Variants in C4A observed in about 807,000 individuals in gnomAD.
C4A encodes complement C4A (Chido/Rodgers blood group).
In C4A, 12 loss-of-function variants were observed where a neutral mutation model predicts 45.7. The ratio of observed to expected loss-of-function variants is 0.26; its 90% CI spans 0.17 to 0.43. The LOEUF (loss-of-function observed/expected upper bound fraction) is 0.43, where lower values mean the gene tolerates loss of function less well. Among genes scored for constraint, C4A ranks in the 20% least tolerant of loss-of-function variants. The pLI is 1.00. For synonymous variants in C4A, 66 were observed against 230.7 expected, an observed-to-expected ratio of 0.29 and a Z score of 6.47; for missense variants, 127 against 534.4, an observed-to-expected ratio of 0.24 and a Z score of 7.52.
At chr6:31,996,738 C>T (rs1016397819) in intron 28 of C4A, 91 bp from the exon 29 acceptor site, 1 of 1,388,312 alleles carries the variant, frequency 7.2e-7, no homozygotes, top group African/African-American at 1.6e-5. Context: ...GGGGGAGACT[C>T]AGGAGAGCCC....
chr6:31,996,063 T>C lies in C4A; in HGVS notation c.3339T>C (p.Ala1113=), dbSNP rs1471080180. ...TSNWLLSQQQ[A]DGSFQDPCPV... is the part of the protein sequence containing the mutation. ...ACTGGCTTCTGTCCCAGCAGCAGGCTGACGGCTCGTTCCAGGACCCCTGTC... is the reference window on the plus strand; with the variant it reads ...ACTGGCTTCTGTCCCAGCAGCAGGCCGACGGCTCGTTCCAGGACCCCTGTC... The change falls in exon 26 of 41, where the codon GCT becomes GCC. Residue 1113 remains alanine (A), a synonymous_variant. Transcript: ENST00000428956. The C allele has an allele frequency of 1.9e-6, 3 of 1,587,344 alleles. No homozygotes were observed. The highest frequency in any genetic ancestry group is 2.7e-5 in the African/African-American group (2 of 74,244).
Position 31,996,194 on chromosome 6 carries a change from C to T in C4A, c.3388-13C>T, listed in dbSNP as rs748387425. 11 of 1,578,178 alleles carry T rather than the reference C, an allele frequency of 7.0e-6. No individual in the cohort carries two copies. The highest frequency in any genetic ancestry group is 1.4e-5 in the African/African-American group (1 of 73,082). On this transcript the variant is annotated splice_polypyrimidine_tract_variant and intron_variant, in intron 26 of 40. Transcript: ENST00000428956. ...TTCCCCCTCCTGTTTGACATCTTTT[C>T]TCCCCTTACTAGGGGGGTTTGGTGG...
In C4A at chr6:31,996,590, G is replaced by T. The variant is rs1251123233; in HGVS notation, c.3666G>T (p.Gln1222His). 1.9e-6 allele frequency: 3 copies of T among 1,588,994 alleles called. No homozygotes were observed. The Admixed American group carries it at 5.0e-5, about 27-fold the overall frequency. ...VAHNNLMAMA[Q>H]ETGDNLYWGS... ...ACAACAACCTCATGGCAATGGCCCA[G>T]GAGACTGGAGGTGAGGGGTGAGGCG... Residue 1222 changes from glutamine to histidine, a missense_variant, in exon 28 of 41, where the codon CAG becomes CAT. Gln to His is a conservative substitution (Grantham distance 24, BLOSUM62 0). Transcript: ENST00000428956.
At position 31,997,179 on chromosome 6, in the gene C4A, C is replaced by T; in HGVS notation, c.3945C>T (p.Tyr1315=). The T allele has an allele frequency of 3.4e-6, 2 of 582,556 alleles. No individual in the cohort carries two copies. Among genetic ancestry groups the T allele is most frequent in the Non-Finnish European group, 5.2e-6 (2 of 382,402 alleles). The allele number at this position is 582,556 out of a possible 1,614,324, so 36.1% of individuals were successfully genotyped here. ...TVIALDALSA[Y]WIASHTTEER... The stretch of plus-strand genomic sequence containing the variant: ...TTGCCCTGGATGCCCTGTCTGCCTA[C>T]TGGATTGCCTCCCACACCACTGAGG... The change falls in exon 30 of 41, where the codon TAC becomes TAT. Residue 1315 remains tyrosine, a synonymous_variant. Transcript: ENST00000428956.
chr6:31,994,787 G>GC, intron 21 of C4A, 80 bp downstream of exon 21: 1 of 1,451,740 alleles, frequency 6.9e-7, no homozygotes, highest in Non-Finnish European at 9.5e-7. Context: ...TGCTGGCCAG[G>GC]CCAGGGGCCC....
chr6:31,997,742 GA>G lies in C4A; in HGVS notation c.4118del (p.Asn1373ThrfsTer6), dbSNP rs1562714069. 6.8e-7 allele frequency: 1 copy of G among 1,468,544 alleles called. No homozygotes were observed. Among genetic ancestry groups the G allele is most frequent in the Non-Finnish European group, 9.4e-7 (1 of 1,064,654 alleles). The allele number at this position is 1,468,544 out of a possible 1,614,324, so 91.0% of individuals were successfully genotyped here. A position where few individuals can be genotyped will look rare whatever the true frequency, so the allele number is the denominator to read the frequency against. On this transcript the variant is annotated frameshift_variant, in exon 31 of 41. Transcript: ENST00000428956. LOFTEE classifies it high-confidence loss of function. ...LGSKINVKVG[G>X]NSKGTLKVLR... is the part of the protein sequence containing the mutation. ...AGCAAGATCAATGTGAAGGTGGGAG[GA>G]AACAGCAAAGGAACCCTGAAGGTGA...
rs202091437 is a variant in C4A, at chr6:31,996,067, G to A, written c.3343G>A (p.Gly1115Ser). The change falls in exon 26 of 41, where the codon GGC becomes AGC. Residue 1115 changes from glycine (G) to serine (S), a missense_variant. Transcript: ENST00000428956. ...NWLLSQQQADGSFQDPCPVLD... is the reference protein window; with the variant it reads ...NWLLSQQQADSSFQDPCPVLD... ...GCTTCTGTCCCAGCAGCAGGCTGAC[G>A]GCTCGTTCCAGGACCCCTGTCCAGT... The A allele has an allele frequency of 7.7e-5, 123 of 1,587,302 alleles. 4 individuals are homozygous for A. The African/African-American group carries it at 1.5e-3, about 20-fold the overall frequency.
In C4A at chr6:31,996,434, C is replaced by G. The variant is rs758859565; in HGVS notation, c.3510C>G (p.Ala1170=). ...GAEPLKQRVE[A]SISKANSFLG... is the part of the protein sequence containing the mutation. ...CTCCTCCCGTTTTCTTCCAGGAAGC[C>G]TCCATCTCAAAGGCAAACTCATTTT... Residue 1170 remains alanine, a synonymous_variant, in exon 28 of 41, where the codon GCC becomes GCG. Transcript: ENST00000428956. 6.3e-7 allele frequency: 1 copy of G among 1,588,352 alleles called. No homozygotes were observed. The highest frequency in any genetic ancestry group is 1.4e-5 in the African/African-American group (1 of 73,150).
Position 31,996,098 on chromosome 6 carries a change from AC to A in C4A, c.3375del (p.Asp1125GlufsTer21). The A allele has an allele frequency of 1.3e-6, 2 of 1,587,576 alleles. No individual in the cohort carries two copies. Among genetic ancestry groups the A allele is most frequent in the Non-Finnish European group, 8.6e-7 (1 of 1,156,688 alleles). On this transcript the variant is annotated frameshift_variant, in exon 26 of 41. Transcript: ENST00000428956. LOFTEE classifies it high-confidence loss of function. ...GSFQDPCPVL[D>X]RSMQGGLVGN... ...TTCCAGGACCCCTGTCCAGTGTTAG[AC>A]AGGAGCATGCAGGTGCGGGCATGCT...
In C4A at chr6:31,997,193, A is replaced by G; in HGVS notation, c.3959A>G (p.His1320Arg). Residue 1320 changes from histidine (H) to arginine (R), a missense_variant, in exon 30 of 41, where the codon CAC becomes CGC. Transcript: ENST00000428956. ...DALSAYWIAS[H>R]TTEERGLNVT... ...CTGTCTGCCTACTGGATTGCCTCCCACACCACTGAGGAGAGGGGTCTCAAT... is the reference window on the plus strand; with the variant it reads ...CTGTCTGCCTACTGGATTGCCTCCCGCACCACTGAGGAGAGGGGTCTCAAT... 1 of 571,750 alleles carries G rather than the reference A, an allele frequency of 1.7e-6. No individual in the cohort carries two copies. The allele number at this position is 571,750 out of a possible 1,614,324, so 35.4% of individuals were successfully genotyped here.
At chr6:31,996,406 A>G (rs1439512157) in intron 27 of C4A, 23 bp from the exon 28 acceptor site, 1 of 1,586,142 alleles carries the variant, frequency 6.3e-7, no homozygotes, top group South Asian at 1.1e-5. Context: ...CAGGCCCAAG[A>G]CCCTCCTCCC....
Position 31,996,112 on chromosome 6 carries a change from G to T in C4A, c.3387+1G>T, listed in dbSNP as rs762074767. On this transcript the variant is annotated splice_donor_variant, in intron 26 of 40. Coordinates refer to ENST00000428956, the MANE Select transcript of C4A (RefSeq NM_007293.3). LOFTEE classifies it high-confidence loss of function. ...TCCAGTGTTAGACAGGAGCATGCAG[G>T]TGCGGGCATGCTGGGGCTGGCCCGA... 6.3e-7 allele frequency: 1 copy of T among 1,587,570 alleles called. No individual in the cohort carries two copies. Among genetic ancestry groups the T allele is most frequent in the South Asian group, 1.1e-5 (1 of 90,798 alleles).
rs752041550 is a variant in C4A, at chr6:31,996,608, G to C, written c.3676+8G>C. 8.2e-6 allele frequency: 13 copies of C among 1,588,786 alleles called. 2 individuals are homozygous for C. In the African/African-American group the frequency reaches 1.8e-4, roughly 22 times the overall value. The stretch of plus-strand genomic sequence containing the variant: ...TGGCCCAGGAGACTGGAGGTGAGGG[G>C]TGAGGCGCTCCTGGCAGTGAGCCTG... On this transcript the variant is annotated splice_region_variant and intron_variant, in intron 28 of 40. Transcript: ENST00000428956.
At chr6:31,997,907 TC>T in intron 31 of C4A, 143 bp downstream of exon 31, 5 of 525,788 alleles carry the variant, frequency 9.5e-6, no homozygotes, top group South Asian at 2.1e-5. Flanking sequence ...TGGGTGTTTT[TC>T]CCCCTGCTTG....
chr6:31,996,035 C>T lies in C4A; in HGVS notation c.3311C>T (p.Ser1104Phe). 1 of 1,586,378 alleles carries T rather than the reference C, an allele frequency of 6.3e-7. No individual in the cohort carries two copies. Among genetic ancestry groups the T allele is most frequent in the Non-Finnish European group, 8.6e-7 (1 of 1,156,226 alleles). Residue 1104 changes from serine to phenylalanine, a missense_variant, in exon 26 of 41, where the codon TCT (serine) becomes TTT (phenylalanine). Coordinates refer to ENST00000428956, the MANE Select transcript of C4A (RefSeq NM_007293.3). Reference sequence around the variant, plus strand: ...TCGCCTGAGAAACTGCAGGAGACATCTAACTGGCTTCTGTCCCAGCAGCAG... The same window carrying T: ...TCGCCTGAGAAACTGCAGGAGACATTTAACTGGCTTCTGTCCCAGCAGCAG... ...GGSPEKLQET[S>F]NWLLSQQQAD... is the part of the protein sequence containing the mutation.
Position 31,994,628 on chromosome 6 carries a change from C to T in C4A, c.2723C>T (p.Ala908Val). 1 of 1,592,732 alleles carries T rather than the reference C, an allele frequency of 6.3e-7. No individual in the cohort carries two copies. Among genetic ancestry groups the T allele is most frequent in the Non-Finnish European group, 8.6e-7 (1 of 1,160,362 alleles). Residue 908 changes from alanine (A) to valine (V), a missense_variant, in exon 21 of 41, where the codon GCT (alanine) becomes GTT (valine). Ala to Val is a moderately conservative substitution (Grantham distance 64). Coordinates refer to ENST00000428956, the MANE Select transcript of C4A (RefSeq NM_007293.3). ...TCTGTGGTGCCCACGGCAGCCGCCG[C>T]TGTGTCTCTGAAGGTGGTGGCTCGA... Reference protein sequence around the residue: ...AFSVVPTAAAAVSLKVVARGS... With the variant: ...AFSVVPTAAAVVSLKVVARGS...
chr6:31,994,999 CT>C lies in C4A; in HGVS notation c.2852del (p.Leu951TrpfsTer18), dbSNP rs1192485615. On this transcript the variant is annotated frameshift_variant, in exon 22 of 41. Transcript: ENST00000428956. LOFTEE classifies it high-confidence loss of function. The part of the protein sequence containing the change: ...REELVYELNP[L>X]DHRGRTLEIP... The stretch of plus-strand genomic sequence containing the variant: ...AGGAGCTGGTCTATGAACTCAACCC[CT>C]TGGGTGAGTGACCCTCTACCTCCAG... The C allele has an allele frequency of 4.4e-6, 2 of 451,804 alleles. No individual in the cohort carries two copies. The highest frequency in any genetic ancestry group is 7.5e-6 in the Non-Finnish European group (2 of 265,662). The allele number at this position is 451,804 out of a possible 1,614,324, so 28.0% of individuals were successfully genotyped here.
At position 31,996,543 on chromosome 6, in the gene C4A, G is replaced by T. The variant is rs1774471565; in HGVS notation, c.3619G>T (p.Val1207Leu). ...AYALTLTKAP[V>L]DLLGVAHNNL... ...TGCCCTGACACTGACCAAGGCGCCT[G>T]TGGACCTGCTCGGTGTTGCCCACAA... Residue 1207 changes from valine to leucine, a missense_variant, in exon 28 of 41, where the codon GTG (valine) becomes TTG (leucine). Physicochemically the swap from Val to Leu is conservative, Grantham distance 32. Transcript: ENST00000428956. The T allele has an allele frequency of 2.5e-6, 4 of 1,586,860 alleles. No homozygotes were observed. In the East Asian group the frequency reaches 8.9e-5, roughly 35 times the overall value.
rs756868699 is a variant in C4A, at chr6:31,996,143, G to A, written c.3387+32G>A. 8 of 1,586,924 alleles carry A rather than the reference G, an allele frequency of 5.0e-6. No homozygotes were observed. In the East Asian group the frequency reaches 6.7e-5, roughly 13 times the overall value. ...GCATGCTGGGGCTGGCCCGAGAAGCGCCTGTCGGAGGACTCTCTTTGCCCC... is the reference window on the plus strand; with the variant it reads ...GCATGCTGGGGCTGGCCCGAGAAGCACCTGTCGGAGGACTCTCTTTGCCCC... On this transcript the variant is annotated intron_variant, in intron 26 of 40. Coordinates refer to ENST00000428956, the MANE Select transcript of C4A (RefSeq NM_007293.3).
Sources: gnomAD v4.1 joint callset for allele counts on GRCh38, gnomAD v4.1.1 for gene constraint, MANE v1.5 for transcripts, NCBI Gene and HGNC (gene_info 2026-07-23, HGNC 2026-07-21) for gene names.